Variants in CCSER1 observed in about 807,000 individuals in gnomAD.
The protein encoded by CCSER1 is serine-rich coiled-coil domain-containing protein 1.
In CCSER1, 41 loss-of-function variants were observed where a neutral mutation model predicts 82.0. That is an observed-to-expected ratio of 0.50 (90% CI 0.39 to 0.65). The LOEUF (loss-of-function observed/expected upper bound fraction) is 0.65. Among genes scored for constraint, CCSER1 ranks in the 30% least tolerant of loss-of-function variants. The probability of loss-of-function intolerance (pLI) is 0.00; values close to 1 mark genes in which losing one functional copy is unlikely to be tolerated. For synonymous variants in CCSER1, 414 were observed against 383.9 expected (o/e 1.08, Z -0.92); for missense variants, 1,119 against 1,064.2 (o/e 1.05, Z -0.72).
chr4:90,399,692 T>TA (rs1752535255), intron 3 of CCSER1, among the ~76,000 whole-genome samples: 1 of 152,120 alleles, frequency 6.6e-6, no homozygotes, highest in African/African-American at 2.4e-5. Flanking sequence ...AATAAACACT[T>TA]ACCTGTATTT....
At chr4:90,297,172 G>A (rs1732129028) in intron 1 of CCSER1, among the ~76,000 whole-genome samples, 1 of 150,832 alleles carries the variant, frequency 6.6e-6, no homozygotes, top group Non-Finnish European at 1.5e-5. Flanking sequence ...ATTTCATTGA[G>A]AAGTAGTTTG....
chr4:90,561,906 G>A (rs1778798857), intron 5 of CCSER1, among the ~76,000 whole-genome samples: 2 of 151,986 alleles, frequency 1.3e-5, no homozygotes, highest in Non-Finnish European at 2.9e-5. Context: ...GATAAATTTA[G>A]GCCGGGAGTG....
intron 10 of CCSER1, among the ~76,000 whole-genome samples, chr4:91,346,102 C>A (rs1163500706): frequency 1.3e-5 from 2 of 151,126 alleles, no homozygotes; most frequent in Non-Finnish European, 2.9e-5. Flanking sequence ...TGGCTCACTG[C>A]AACCTCCACG....
chr4:90,913,847 G>C (rs1481387348), intron 8 of CCSER1, among the ~76,000 whole-genome samples: 4 of 152,114 alleles, frequency 2.6e-5, no homozygotes, highest in African/African-American at 9.7e-5. Flanking sequence ...TGCAATCCTA[G>C]TCTCTGATAA....
intron 5 of CCSER1, among the ~76,000 whole-genome samples, chr4:90,602,039 T>C (rs1663056540): frequency 6.6e-6 from 1 of 152,120 alleles, no homozygotes; most frequent in Non-Finnish European, 1.5e-5. Context: ...GATGGAGTGG[T>C]CTATAAATTT....
At chr4:90,648,341 G>GAAAGAA (rs1480236521) in intron 6 of CCSER1, among the ~76,000 whole-genome samples, 18 of 151,116 alleles carry the variant, frequency 1.2e-4, no homozygotes, top group Admixed American at 6.6e-4. Context: ...AAGAAAGAAA[G>GAAAGAA]AGAGTTGCCC....
In CCSER1 at chr4:90,603,196, G is replaced by A. The variant is rs1227236403; in HGVS notation, c.1725-24829G>A. Among the ~76,000 whole-genome samples, 8 of 152,230 alleles carry A rather than the reference G, an allele frequency of 5.3e-5. No homozygotes were observed. In the East Asian group the frequency reaches 5.8e-4, roughly 11 times the overall value. ...GAAAATAGAAGCGTATGCAGTGGCT[G>A]GAGGAGTAGGGCTAGCAAATGTTAG... is the stretch of plus-strand genomic sequence containing the variant. On this transcript the variant is annotated intron_variant, in intron 5 of 10. Coordinates refer to ENST00000509176, the MANE Select transcript of CCSER1 (RefSeq NM_001145065.2).
At chr4:90,209,996 T>C (rs557658569) in intron 1 of CCSER1, among the ~76,000 whole-genome samples, 3 of 152,176 alleles carry the variant, frequency 2.0e-5, no homozygotes, top group Non-Finnish European at 4.4e-5. Flanking sequence ...CCTTTCTCTC[T>C]CGGTATCTTG....
intron 10 of CCSER1, among the ~76,000 whole-genome samples, chr4:91,203,461 A>G (rs536580285): frequency 6.6e-6 from 1 of 152,050 alleles, no homozygotes; most frequent in African/African-American, 2.4e-5. Context: ...GCAAGAAAAA[A>G]AATGGCCTCA....
chr4:90,912,551 A>T (rs1726573088), intron 8 of CCSER1, among the ~76,000 whole-genome samples: 1 of 148,698 alleles, frequency 6.7e-6, no homozygotes, highest in Non-Finnish European at 1.5e-5. Flanking sequence ...AACAGAGCAG[A>T]AAAACTGAAA....
At chr4:91,316,499 T>C (rs563470544) in intron 10 of CCSER1, among the ~76,000 whole-genome samples, 2 of 152,164 alleles carry the variant, frequency 1.3e-5, no homozygotes, top group East Asian at 3.9e-4. Context: ...TTACTTATAA[T>C]GGACTGCAAT....
chr4:90,891,260 G>T (rs975105581), intron 8 of CCSER1, among the ~76,000 whole-genome samples: 4 of 151,536 alleles, frequency 2.6e-5, no homozygotes, highest in Admixed American at 2.6e-4. Context: ...TAAGAGTAAG[G>T]TTTATTCTAT....
intron 9 of CCSER1, among the ~76,000 whole-genome samples, chr4:90,959,193 T>C (rs1733814140): frequency 1.3e-5 from 2 of 152,170 alleles, no homozygotes; most frequent in African/African-American, 2.4e-5. Context: ...AACAGCCTCA[T>C]TAAAAGGAAG....
intron 1 of CCSER1, among the ~76,000 whole-genome samples, chr4:90,156,718 T>C (rs1461936983): frequency 6.6e-6 from 1 of 152,196 alleles, no homozygotes; most frequent in Non-Finnish European, 1.5e-5. Context: ...TTGTTTTCCA[T>C]TTGCTTGGTA....
At chr4:91,309,569 T>C (rs549685502) in intron 10 of CCSER1, among the ~76,000 whole-genome samples, 46 of 152,158 alleles carry the variant, frequency 3.0e-4, no homozygotes, top group Admixed American at 7.2e-4. Flanking sequence ...ATTTGTGATA[T>C]TGACTTGCCA....
At chr4:91,380,717 CTT>C (rs1239155817) in intron 10 of CCSER1, among the ~76,000 whole-genome samples, 1 of 152,150 alleles carries the variant, frequency 6.6e-6, no homozygotes, top group Non-Finnish European at 1.5e-5. Context: ...CAGTGTGTGT[CTT>C]TTAATTGGAG....
intron 5 of CCSER1, among the ~76,000 whole-genome samples, chr4:90,501,732 G>A (rs200575495): frequency 1.3e-4 from 20 of 152,080 alleles, no homozygotes; most frequent in Middle Eastern, 3.4e-3. Flanking sequence ...TTTTAAAGTC[G>A]CCTAGCAGAT....
At chr4:91,312,875 T>G (rs1745582980) in intron 10 of CCSER1, among the ~76,000 whole-genome samples, 1 of 151,928 alleles carries the variant, frequency 6.6e-6, no homozygotes, top group South Asian at 2.1e-4. Context: ...CTAAATAAAT[T>G]TTATAGAGTT....
At chr4:90,260,779 T>G (rs28436051) in intron 1 of CCSER1, among the ~76,000 whole-genome samples, 7,905 of 152,262 alleles carry the variant, frequency 0.052, 550 homozygotes, top group African/African-American at 0.16. Flanking sequence ...GCAATGGCAC[T>G]ATTTTGGCTC....
Sources: allele counts gnomAD v4.1 joint callset (sites outside exome capture counted in the v4.1 genomes callset), GRCh38; gene constraint gnomAD v4.1.1; transcripts MANE v1.5; gene names NCBI Gene and HGNC (gene_info 2026-07-23, HGNC 2026-07-21).